The following DPP6 variants were observed in gnomAD, a reference collection of about 807,000 sequenced individuals.
DPP6 encodes A-type potassium channel modulatory protein DPP6.
Under a neutral mutation model 122.6 loss-of-function variants are expected in DPP6, and 69 were observed. That is an observed-to-expected ratio of 0.56 (90% CI 0.46 to 0.69). The LOEUF (loss-of-function observed/expected upper bound fraction) is 0.69. Ranked by LOEUF, DPP6 falls within the 30% of genes least tolerant of loss-of-function variation. The pLI, the probability that DPP6 is intolerant of heterozygous loss-of-function variation, is 0.00. For missense variants in DPP6, 928 were observed against 1,116.9 expected (o/e 0.83, Z 2.41); for synonymous variants, 418 against 433.1 (o/e 0.97, Z 0.43).
chr7:153,839,797 C>T, the DPP6 span, among the ~76,000 whole-genome samples: 3 of 152,166 alleles, frequency 2.0e-5, no homozygotes, highest in East Asian at 3.9e-4. Flanking sequence ...TGGGAACCGC[C>T]CCCCTGTTTC....
intron 1 of DPP6, among the ~76,000 whole-genome samples, chr7:154,192,277 C>G (rs945681205): frequency 6.6e-6 from 1 of 152,232 alleles, no homozygotes; most frequent in Non-Finnish European, 1.5e-5. Context: ...ACTGATTCCT[C>G]ATGAAAATAC....
intron 1 of DPP6, among the ~76,000 whole-genome samples, chr7:154,374,463 G>A (rs751732644): frequency 2.6e-5 from 4 of 152,094 alleles, no homozygotes; most frequent in African/African-American, 4.8e-5. Context: ...GCATTGACAC[G>A]TGCAGACCCC....
chr7:154,730,848 C>A (rs1842305175), intron 8 of DPP6, among the ~76,000 whole-genome samples: 1 of 152,214 alleles, frequency 6.6e-6, no homozygotes, highest in African/African-American at 2.4e-5. Context: ...TTAGTATCTT[C>A]TTAATAAAAT....
At chr7:154,430,850 C>T (rs1014557029) in intron 1 of DPP6, among the ~76,000 whole-genome samples, 2 of 149,334 alleles carry the variant, frequency 1.3e-5, no homozygotes, top group Non-Finnish European at 3.0e-5. Flanking sequence ...TCAGCTGGCA[C>T]ATGGTGGAGG....
intron 7 of DPP6, among the ~76,000 whole-genome samples, chr7:154,710,881 G>A (rs191420747): frequency 1.2e-4 from 19 of 152,336 alleles, no homozygotes; most frequent in African/African-American, 4.1e-4. Context: ...AACCAATGGG[G>A]ATAGCCAGTT....
chr7:153,984,648 C>A (rs39134), intron 1 of DPP6, among the ~76,000 whole-genome samples: 132,774 of 152,056 alleles, frequency 0.87, 58,018 homozygotes, highest in Middle Eastern at 0.91. Flanking sequence ...AGAGGGAGAT[C>A]CAGACAGTAC....
chr7:154,813,877 C>CTT (rs35188883), intron 16 of DPP6, among the ~76,000 whole-genome samples: 50,965 of 94,760 alleles, frequency 0.54, 14,628 homozygotes, highest in Middle Eastern at 0.62. Context: ...AAGCACATTT[C>CTT]TTTTTTTTTT....
chr7:154,388,830 C>G (rs10808009), intron 1 of DPP6, among the ~76,000 whole-genome samples: 84,207 of 152,022 alleles, frequency 0.55, 26,893 homozygotes, highest in South Asian at 0.7. Context: ...AAAACATATC[C>G]GTTGTCATTT....
intron 7 of DPP6, among the ~76,000 whole-genome samples, chr7:154,676,031 C>T (rs1838873511): frequency 6.6e-6 from 1 of 152,230 alleles, no homozygotes; most frequent in South Asian, 2.1e-4. Flanking sequence ...AACTTCTCTC[C>T]AGGGGCGGGG....
Position 154,052,845 on chromosome 7 carries a change from ACTGGCAAGATCAACACCT to A in DPP6, c.27_44del (p.Gly10_Ser15del). 1 of 1,536,856 alleles carries A rather than the reference ACTGGCAAGATCAACACCT, an allele frequency of 6.5e-7. No homozygotes were observed. Among genetic ancestry groups the A allele is most frequent in the East Asian group, 2.5e-5 (1 of 40,384 alleles). ...GATGGCTTCGCTGTACCAGAGGTTC[ACTGGCAAGATCAACACCT>A]CGAGGTCCTTCCCCGCGCCCCCGGA... On this transcript the variant is annotated inframe_deletion, in exon 1 of 26. Transcript: ENST00000377770. The surrounding 1 kb of genome is among the most constrained non-coding windows in gnomAD (Gnocchi z 4.8).
At chr7:154,358,998 G>A (rs911905330) in intron 1 of DPP6, among the ~76,000 whole-genome samples, 31 of 152,160 alleles carry the variant, frequency 2.0e-4, no homozygotes, top group South Asian at 6.2e-4. Context: ...GAGACACTGC[G>A]CCTGGCCAAG....
chr7:154,516,177 T>C (rs190809297), intron 3 of DPP6, among the ~76,000 whole-genome samples: 159 of 152,240 alleles, frequency 1.0e-3, no homozygotes, highest in African/African-American at 3.7e-3. Context: ...TTCACAAAAC[T>C]GCTCCATAGC....
At chr7:154,783,002 T>G (rs1268715544) in intron 10 of DPP6, among the ~76,000 whole-genome samples, 1 of 152,102 alleles carries the variant, frequency 6.6e-6, no homozygotes, top group Non-Finnish European at 1.5e-5. Context: ...CAGGCTGGTC[T>G]CGAACTCCCG....
At chr7:154,066,903 CA>C (rs1289687428) in intron 1 of DPP6, among the ~76,000 whole-genome samples, 1 of 151,400 alleles carries the variant, frequency 6.6e-6, no homozygotes, top group Non-Finnish European at 1.5e-5. Context: ...AGTTGGTTAG[CA>C]CTCTCTGGTG....
chr7:154,030,471 G>T (rs1229572006), intron 1 of DPP6, among the ~76,000 whole-genome samples: 2 of 152,062 alleles, frequency 1.3e-5, no homozygotes, highest in Admixed American at 6.6e-5. Flanking sequence ...CTCCAGACAG[G>T]CTTACACCAT....
chr7:154,886,677 G>A (rs543654351), intron 22 of DPP6, among the ~76,000 whole-genome samples: 2 of 152,200 alleles, frequency 1.3e-5, no homozygotes, highest in Admixed American at 1.3e-4. Flanking sequence ...TCCTGCTGCT[G>A]GTCCACCGCA....
At chr7:153,966,480 GC>G (rs2129031109) in intron 1 of DPP6, among the ~76,000 whole-genome samples, 1 of 144,540 alleles carries the variant, frequency 6.9e-6, no homozygotes, top group South Asian at 2.3e-4. Flanking sequence ...TCCCGCCTTG[GC>G]CCCTTCTCCC....
intron 16 of DPP6, among the ~76,000 whole-genome samples, chr7:154,811,814 G>A (rs375616715): frequency 6.6e-6 from 1 of 152,220 alleles, no homozygotes; most frequent in African/African-American, 2.4e-5. Flanking sequence ...GAGATTCTTG[G>A]AAACCTGTGA....
chr7:154,363,201 T>C (rs1157344679), intron 1 of DPP6, among the ~76,000 whole-genome samples: 1 of 152,182 alleles, frequency 6.6e-6, no homozygotes, highest in Non-Finnish European at 1.5e-5. Flanking sequence ...CTCCTGAGGG[T>C]TGGCCATGAA....
Sources: allele counts gnomAD v4.1 joint callset (sites outside exome capture counted in the v4.1 genomes callset), GRCh38; gene constraint gnomAD v4.1.1; non-coding constraint Gnocchi (gnomAD v3.1); transcripts MANE v1.5; gene names NCBI Gene and HGNC (gene_info 2026-07-23, HGNC 2026-07-21).